ERG: variants seen among roughly 807,000 people sequenced by gnomAD.
The protein encoded by ERG is ETS transcription factor ERG.
ERG carries 9 observed loss-of-function variants against 55.3 expected under a neutral mutation model. The observed-to-expected ratio is 0.16, with a 90% CI of 0.10 to 0.28. The LOEUF is 0.28. ERG is among the 10% of genes least tolerant of loss of function. ERG has a pLI of 1.00. For missense variants in ERG, 434 were observed against 631.6 expected, an observed-to-expected ratio of 0.69 and a Z score of 3.35; for synonymous variants, 223 against 237.3, an observed-to-expected ratio of 0.94 and a Z score of 0.55.
intron 1 of ERG, among the ~76,000 whole-genome samples, chr21:38,641,437 A>C (rs566686421): frequency 6.6e-6 from 1 of 152,336 alleles, no homozygotes; most frequent in South Asian, 2.1e-4. Flanking sequence ...ATGACCATCC[A>C]GTGTACAGTA....
chr21:38,544,669 G>A (rs983099927), intron 2 of ERG, among the ~76,000 whole-genome samples: 7 of 152,158 alleles, frequency 4.6e-5, no homozygotes, highest in Middle Eastern at 3.4e-3. Context: ...CAACCAACAT[G>A]ATGAAAATGA....
Position 38,398,516 on chromosome 21 carries a change from G to C in ERG, c.745+2058C>G, listed in dbSNP as rs1184762908. ...TGACTAGTAGTGGAGCTGTGGAAGT[G>C]TGCTCTCTCCCAGGTCACGCTCAAA... On this transcript the variant is annotated intron_variant, in intron 6 of 9. Coordinates refer to ENST00000288319, the MANE Select transcript of ERG (RefSeq NM_182918.4). Among the ~76,000 whole-genome samples the C allele has an allele frequency of 4.6e-5, 7 of 152,198 alleles. No individual in the cohort carries two copies. In the East Asian group the frequency reaches 1.3e-3, roughly 29 times the overall value.
intron 1 of ERG, among the ~76,000 whole-genome samples, chr21:38,594,163 C>A (rs1185673383): frequency 3.3e-5 from 5 of 152,142 alleles, no homozygotes; most frequent in Admixed American, 2.6e-4. Flanking sequence ...GGGTACTGAG[C>A]CACCAGGAGC....
intron 2 of ERG, among the ~76,000 whole-genome samples, chr21:38,431,725 C>G (rs907849881): frequency 2.0e-5 from 3 of 152,180 alleles, no homozygotes; most frequent in African/African-American, 7.2e-5. Flanking sequence ...AAATAAAGCT[C>G]TCCCTGGGTT....
chr21:38,485,812 C>A (rs1462915918), intron 1 of ERG, among the ~76,000 whole-genome samples: 5 of 151,990 alleles, frequency 3.3e-5, no homozygotes, highest in African/African-American at 1.2e-4. Context: ...TAGGCTTTCA[C>A]ATTCACTAAC....
intron 1 of ERG, among the ~76,000 whole-genome samples, chr21:38,491,246 C>T (rs776952791): frequency 1.3e-5 from 2 of 149,642 alleles, no homozygotes; most frequent in African/African-American, 2.5e-5. Context: ...CCCGATGAAA[C>T]CCAAAGAGCA....
At chr21:38,646,308 C>T (rs1338815783) in intron 1 of ERG, among the ~76,000 whole-genome samples, 1 of 139,714 alleles carries the variant, frequency 7.2e-6, no homozygotes, top group African/African-American at 2.7e-5. Context: ...GCAAAACAAA[C>T]AAAAACAAAA....
chr21:38,598,265 A>G (rs2146906418), intron 1 of ERG, among the ~76,000 whole-genome samples: 1 of 152,344 alleles, frequency 6.6e-6, no homozygotes, highest in East Asian at 1.9e-4. Flanking sequence ...TCGCTGAGGC[A>G]TTCCTGGGCC....
chr21:38,451,020 C>G (rs897908848), intron 1 of ERG: 8 of 433,082 alleles, frequency 1.8e-5, no homozygotes, highest in African/African-American at 1.6e-4. Context: ...AGACTGGCCA[C>G]TACCTGGCTG....
intron 1 of ERG, among the ~76,000 whole-genome samples, chr21:38,578,085 C>A (rs1349858932): frequency 6.6e-6 from 1 of 151,250 alleles, no homozygotes; most frequent in Non-Finnish European, 1.5e-5. Context: ...GGGCAGCCAG[C>A]ACCAACGCCA....
chr21:38,544,827 A>C, intron 2 of ERG, among the ~76,000 whole-genome samples: 1 of 151,904 alleles, frequency 6.6e-6, no homozygotes, highest in South Asian at 2.1e-4. Context: ...ATGCTCATGA[A>C]GCTCTCTCCT....
At chr21:38,368,609 T>A in the ERG span, among the ~76,000 whole-genome samples, 1 of 152,102 alleles carries the variant, frequency 6.6e-6, no homozygotes, top group African/African-American at 2.4e-5. Context: ...TGTATCAGAC[T>A]TTTTTTTATT....
In ERG at chr21:38,549,526, C is replaced by T. The variant is rs534002268; in HGVS notation, c.-41+26136G>A. 7.7e-4 allele frequency among the ~76,000 whole-genome samples: 118 copies of T among 152,262 alleles called. 2 individuals carry two copies. The highest frequency in any genetic ancestry group is 6.8e-3 in the Middle Eastern group (2 of 294). On this transcript the variant is annotated intron_variant, in intron 2 of 8. Coordinates refer to the ERG transcript ENST00000398897. ...AGTAAAACACACATATACAGTAATGCACAATGTCCTGATTGTTGGGGTTTA... is the reference window on the plus strand; with the variant it reads ...AGTAAAACACACATATACAGTAATGTACAATGTCCTGATTGTTGGGGTTTA...
At chr21:38,481,908 C>T (rs2059241733) in intron 1 of ERG, among the ~76,000 whole-genome samples, 1 of 152,192 alleles carries the variant, frequency 6.6e-6, no homozygotes, top group Non-Finnish European at 1.5e-5. Flanking sequence ...TCCAGAAAGA[C>T]TTATTATATA....
At chr21:38,469,560 G>A (rs2059122236) in intron 1 of ERG, among the ~76,000 whole-genome samples, 1 of 151,998 alleles carries the variant, frequency 6.6e-6, no homozygotes, top group Admixed American at 6.6e-5. Context: ...AACTGCTTTG[G>A]GCTATTCTCC....
At chr21:38,387,015 T>A (rs1036038821) in intron 9 of ERG, among the ~76,000 whole-genome samples, 1 of 151,902 alleles carries the variant, frequency 6.6e-6, no homozygotes, top group African/African-American at 2.4e-5. Flanking sequence ...TCTCCTAATA[T>A]TGTTAAAAGA....
intron 1 of ERG, among the ~76,000 whole-genome samples, chr21:38,616,379 G>A (rs2060259254): frequency 6.6e-6 from 1 of 152,108 alleles, no homozygotes; most frequent in Admixed American, 6.5e-5. Flanking sequence ...AATGATTTAT[G>A]AATGATGGGT....
chr21:38,391,774 G>T, intron 7 of ERG, 59 bp from the exon 8 acceptor site: 2 of 1,316,564 alleles, frequency 1.5e-6, no homozygotes, highest in Non-Finnish European at 1.1e-6. Context: ...ACTAGTCTTT[G>T]ATGTTGTTGC....
chr21:38,518,236 G>GTATGTATC (rs1271951140), intron 2 of ERG, among the ~76,000 whole-genome samples: 1 of 145,368 alleles, frequency 6.9e-6, no homozygotes, highest in Non-Finnish European at 1.5e-5. Context: ...GTGTGTGTGT[G>GTATGTATC]TATCTATCTA....
Sources: allele counts gnomAD v4.1 joint callset (sites outside exome capture counted in the v4.1 genomes callset), GRCh38; gene constraint gnomAD v4.1.1; transcripts MANE v1.5; gene names NCBI Gene and HGNC (gene_info 2026-07-23, HGNC 2026-07-21).